Variants in AHCYL2 observed in about 807,000 individuals in gnomAD.
AHCYL2 encodes S-adenosylhomocysteine hydrolase-like protein 2.
Under a neutral mutation model 81.4 loss-of-function variants are expected in AHCYL2, and 28 were observed. The ratio of observed to expected loss-of-function variants is 0.34; its 90% CI spans 0.25 to 0.47. The LOEUF (loss-of-function observed/expected upper bound fraction) is 0.47. Ranked by LOEUF, AHCYL2 falls within the 20% of genes least tolerant of loss-of-function variation. The pLI, the probability that AHCYL2 is intolerant of heterozygous loss-of-function variation, is 1.00. For synonymous variants in AHCYL2, 272 were observed against 290.2 expected, an observed-to-expected ratio of 0.94 and a Z score of 0.64; for missense variants, 551 against 785.1, an observed-to-expected ratio of 0.70 and a Z score of 3.56.
intron 1 of AHCYL2, among the ~76,000 whole-genome samples, chr7:129,238,770 G>A (rs1794728835): frequency 6.6e-6 from 1 of 152,178 alleles, no homozygotes; most frequent in Non-Finnish European, 1.5e-5. Flanking sequence ...GACCAACACA[G>A]TGAAACCCTG....
intron 1 of AHCYL2, among the ~76,000 whole-genome samples, chr7:129,363,260 T>G (rs1376727813): frequency 6.6e-6 from 1 of 152,210 alleles, no homozygotes; most frequent in Non-Finnish European, 1.5e-5. Context: ...GCTATAGGTG[T>G]ATCTTCTAAG....
At chr7:129,239,022 A>G (rs962894511) in intron 1 of AHCYL2, among the ~76,000 whole-genome samples, 14 of 140,810 alleles carry the variant, frequency 9.9e-5, no homozygotes, top group Admixed American at 9.5e-4. Flanking sequence ...TTTTTGTGCA[A>G]TCAGGGATCA....
At chr7:129,273,846 A>C (rs1030608377) in intron 1 of AHCYL2, among the ~76,000 whole-genome samples, 6 of 152,224 alleles carry the variant, frequency 3.9e-5, no homozygotes, top group Admixed American at 6.5e-5. Flanking sequence ...TAAGATTCAT[A>C]GGAAATCCAC....
At chr7:129,405,363 A>G in intron 8 of AHCYL2, 150 bp downstream of exon 8, 1 of 479,070 alleles carries the variant, frequency 2.1e-6, no homozygotes, top group Non-Finnish European at 3.7e-6. Context: ...AATTAAAATT[A>G]CATTATTTTT....
intron 2 of AHCYL2, among the ~76,000 whole-genome samples, chr7:129,380,114 C>T (rs931868141): frequency 6.6e-6 from 1 of 151,212 alleles, no homozygotes; most frequent in Non-Finnish European, 1.5e-5. Context: ...AATTCTTCAT[C>T]CCTCCATCTG....
intron 1 of AHCYL2, among the ~76,000 whole-genome samples, chr7:129,269,369 T>C (rs1204643718): frequency 2.0e-5 from 3 of 151,916 alleles, no homozygotes; most frequent in Admixed American, 2.0e-4. Flanking sequence ...CACTGCAACC[T>C]CCGCCTCCTG....
chr7:129,299,735 G>T (rs1277030888), intron 1 of AHCYL2, among the ~76,000 whole-genome samples: 1 of 152,120 alleles, frequency 6.6e-6, no homozygotes, highest in African/African-American at 2.4e-5. Context: ...AAGAAAACTT[G>T]TCAGAGGGGT....
At chr7:129,288,313 C>G (rs1796710127) in intron 1 of AHCYL2, among the ~76,000 whole-genome samples, 1 of 151,170 alleles carries the variant, frequency 6.6e-6, no homozygotes, top group Admixed American at 6.6e-5. Flanking sequence ...TAACGTGTTC[C>G]TTTGTCTTCT....
At chr7:129,291,609 T>G (rs1472870774) in intron 1 of AHCYL2, among the ~76,000 whole-genome samples, 1 of 151,392 alleles carries the variant, frequency 6.6e-6, no homozygotes, top group Non-Finnish European at 1.5e-5. Context: ...TCTTTTTTTT[T>G]TCTTTTTTTT....
chr7:129,325,796 C>A (rs1299501447), intron 1 of AHCYL2, among the ~76,000 whole-genome samples: 3 of 151,860 alleles, frequency 2.0e-5, no homozygotes, highest in Non-Finnish European at 2.9e-5. Context: ...ACCTCCACCT[C>A]CTGGGTTCAA....
rs1323455416 is a variant in AHCYL2, at chr7:129,249,619, G to T, written c.363+24180G>T. On this transcript the variant is annotated intron_variant, in intron 1 of 16. Transcript: ENST00000325006. ...TTTTTGTATTTTTAGTAGAGACGGG[G>T]TTTCACCTTGTTAGCCAGGATGGTC... Among the ~76,000 whole-genome samples the T allele has an allele frequency of 3.3e-5, 5 of 151,550 alleles. No individual in the cohort carries two copies. The South Asian group carries it at 1.0e-3, about 32-fold the overall frequency.
At chr7:129,234,860 G>T (rs1794585723) in intron 1 of AHCYL2, among the ~76,000 whole-genome samples, 2 of 152,132 alleles carry the variant, frequency 1.3e-5, no homozygotes, top group African/African-American at 4.8e-5. Context: ...TTTTCCTTCA[G>T]AATTCACACT....
intron 1 of AHCYL2, among the ~76,000 whole-genome samples, chr7:129,255,260 CA>C (rs1341041330): frequency 6.7e-6 from 1 of 149,208 alleles, no homozygotes; most frequent in Non-Finnish European, 1.5e-5. Context: ...GAGTCTGTCT[CA>C]AAAAAAGAAA....
At chr7:129,289,267 T>A (rs900639866) in intron 1 of AHCYL2, among the ~76,000 whole-genome samples, 1 of 152,284 alleles carries the variant, frequency 6.6e-6, no homozygotes, top group South Asian at 2.1e-4. Flanking sequence ...TTTTTAAATT[T>A]TTTTTGTAGA....
chr7:129,225,410 G>A lies in AHCYL2; in HGVS notation c.334G>A (p.Val112Ile), dbSNP rs530961912. The change falls in exon 1 of 17, where the codon GTC becomes ATC. Residue 112 changes from valine (V) to isoleucine (I), a missense_variant. Around this residue, in one of 2 missense-constraint regions of AHCYL2, gnomAD observed 235 missense variants for 242.1 expected, o/e 0.97. Transcript: ENST00000325006. ...GGCCCTGGTCAGCCCCGACGGCACC[G>A]TCACCGAGGCGCCGCGCACAGTCAA... The part of the protein sequence containing the change: ...GEALVSPDGT[V>I]TEAPRTVKKQ... 4.1e-4 allele frequency: 620 copies of A among 1,515,512 alleles called. 11 individuals are homozygous for A. The South Asian group carries it at 7.1e-3, about 17-fold the overall frequency. The allele number at this position is 1,515,512 out of a possible 1,614,324, so 93.9% of individuals were successfully genotyped here.
chr7:129,244,134 G>T (rs1261913820), intron 1 of AHCYL2, among the ~76,000 whole-genome samples: 1 of 151,596 alleles, frequency 6.6e-6, no homozygotes, highest in Non-Finnish European at 1.5e-5. Context: ...CTGTAGCTGG[G>T]ACTACAGGTG....
At chr7:129,312,488 A>G (rs551240532) in intron 1 of AHCYL2, among the ~76,000 whole-genome samples, 1 of 152,136 alleles carries the variant, frequency 6.6e-6, no homozygotes, top group Non-Finnish European at 1.5e-5. Context: ...AGCTCACTGC[A>G]GCCTCGAATT....
chr7:129,304,547 A>AT (rs1797360450), intron 1 of AHCYL2, among the ~76,000 whole-genome samples: 1 of 152,116 alleles, frequency 6.6e-6, no homozygotes, highest in Admixed American at 6.5e-5. Flanking sequence ...CTTCCTTTAT[A>AT]TATCTGGGTG....
intron 1 of AHCYL2, among the ~76,000 whole-genome samples, chr7:129,226,925 G>A (rs201836949): frequency 8.9e-6 from 1 of 111,964 alleles, no homozygotes; most frequent in Non-Finnish European, 2.0e-5. Context: ...ACTTTGTATC[G>A]TTAAGTCATT....
Sources: allele counts gnomAD v4.1 joint callset (sites outside exome capture counted in the v4.1 genomes callset), GRCh38; gene constraint gnomAD v4.1.1; regional missense constraint gnomAD v4.1.1; transcripts MANE v1.5; gene names NCBI Gene and HGNC (gene_info 2026-07-23, HGNC 2026-07-21).